Variants in SAMD4A observed in about 807,000 individuals in gnomAD.
SAMD4A encodes protein Smaug homolog 1.
In SAMD4A, 33 loss-of-function variants were observed where a neutral mutation model predicts 81.3. The ratio of observed to expected loss-of-function variants is 0.41; its 90% CI spans 0.31 to 0.54. SAMD4A has a LOEUF of 0.54. SAMD4A is among the 20% of genes least tolerant of loss of function. SAMD4A has a pLI of 0.37. For missense variants in SAMD4A, 854 were observed against 951.1 expected, an observed-to-expected ratio of 0.90 and a Z score of 1.34; for synonymous variants, 389 against 382.1, an observed-to-expected ratio of 1.02 and a Z score of -0.21.
chr14:54,778,214 A>G (rs149380356), intron 11 of SAMD4A, among the ~76,000 whole-genome samples: 1 of 152,216 alleles, frequency 6.6e-6, no homozygotes, highest in East Asian at 1.9e-4. Flanking sequence ...CTCTTTGTTC[A>G]TACTGAATCT....
At chr14:54,588,279 G>A (rs915789401) in intron 2 of SAMD4A, among the ~76,000 whole-genome samples, 3 of 151,630 alleles carry the variant, frequency 2.0e-5, no homozygotes, top group African/African-American at 4.8e-5. Flanking sequence ...TCTCTTCTTG[G>A]TTAATCTCGC....
rs78720266 is a variant in SAMD4A at position 54,758,007 on chromosome 14, G to A, written c.1177-2154G>A. 2.0e-3 allele frequency among the ~76,000 whole-genome samples: 312 copies of A among 152,320 alleles called. 1 individual carries two copies. The highest frequency in any genetic ancestry group is 6.7e-3 in the African/African-American group (278 of 41,566). On this transcript the variant is annotated intron_variant, in intron 6 of 12. Coordinates refer to ENST00000554335, the MANE Select transcript of SAMD4A (RefSeq NM_015589.6). Reference sequence around the variant, plus strand: ...ATGCTGGGAAAGGGCCGGGTCTACCGTGGGCAGCAGGGAAGGAGTGATCAG... The same window carrying A: ...ATGCTGGGAAAGGGCCGGGTCTACCATGGGCAGCAGGGAAGGAGTGATCAG...
chr14:54,789,127 G>A lies in SAMD4A; in HGVS notation c.*183G>A, dbSNP rs1354767931. ...CCTCGTAAACATATCAGTAGACCTG[G>A]GGTTGGTTATTTTGTCATTTGTTTC... On this transcript the variant is annotated 3_prime_UTR_variant, in exon 13 of 13. Coordinates refer to ENST00000554335, the MANE Select transcript of SAMD4A (RefSeq NM_015589.6). 1.4e-5 allele frequency: 9 copies of A among 664,484 alleles called. No individual in the cohort carries two copies. The East Asian group carries it at 2.2e-4, about 16-fold the overall frequency. The allele number at this position is 664,484 out of a possible 1,614,324, so 41.2% of individuals were successfully genotyped here. A position where few individuals can be genotyped will look rare whatever the true frequency, so the allele number is the denominator to read the frequency against.
At chr14:54,688,292 C>T (rs1329505316) in intron 2 of SAMD4A, 32 of 985,424 alleles carry the variant, frequency 3.2e-5, no homozygotes, top group East Asian at 1.1e-4. Context: ...CCGGAGCAAC[C>T]GTTTAGAGGT....
In SAMD4A at chr14:54,793,299, A is replaced by C. The variant is rs1010407913; in HGVS notation, c.*4355A>C. ...GAAAGTGAAGGGAAATGATTAATACAAGGTTTTGTAACACTGGTGTGTCTT... is the reference window on the plus strand; with the variant it reads ...GAAAGTGAAGGGAAATGATTAATACCAGGTTTTGTAACACTGGTGTGTCTT... On this transcript the variant is annotated 3_prime_UTR_variant, in exon 13 of 13. Coordinates refer to ENST00000554335, the MANE Select transcript of SAMD4A (RefSeq NM_015589.6). 1 of 152,150 alleles carries C rather than the reference A, an allele frequency of 6.6e-6. No homozygotes were observed. Among genetic ancestry groups the C allele is most frequent in the African/African-American group, 2.4e-5 (1 of 41,432 alleles). 9.4% of individuals were successfully genotyped at this position (152,150 alleles called of 1,614,324 possible).
intron 2 of SAMD4A, among the ~76,000 whole-genome samples, chr14:54,645,456 C>T (rs2035266521): frequency 6.6e-6 from 1 of 152,166 alleles, no homozygotes; most frequent in Non-Finnish European, 1.5e-5. Context: ...AAAGACTCTG[C>T]TCGTTTCTCT....
At chr14:54,723,310 C>T (rs1322307698) in intron 3 of SAMD4A, among the ~76,000 whole-genome samples, 1 of 152,092 alleles carries the variant, frequency 6.6e-6, no homozygotes, top group Admixed American at 6.6e-5. Context: ...TGTGGTTGGG[C>T]AGGTGATTTC....
upstream of SAMD4A, among the ~76,000 whole-genome samples, chr14:54,566,681 G>A (rs1456129641): frequency 1.3e-5 from 2 of 151,628 alleles, no homozygotes; most frequent in Non-Finnish European, 2.9e-5. Context: ...GGCCTGCGAC[G>A]CGCGGGCGAG....
chr14:54,712,274 C>T (rs957804929), intron 3 of SAMD4A, among the ~76,000 whole-genome samples: 10 of 151,338 alleles, frequency 6.6e-5, no homozygotes, highest in African/African-American at 4.8e-5. Context: ...CTTTCTTTCT[C>T]GGTGGAAAAT....
chr14:54,732,412 C>T (rs2037580487), intron 3 of SAMD4A, among the ~76,000 whole-genome samples: 1 of 152,112 alleles, frequency 6.6e-6, no homozygotes, highest in Non-Finnish European at 1.5e-5. Flanking sequence ...CCACAGCTCC[C>T]AGATTAGGCA....
intron 7 of SAMD4A, among the ~76,000 whole-genome samples, chr14:54,760,986 C>G (rs1333133728): frequency 8.2e-6 from 1 of 121,914 alleles, no homozygotes; most frequent in Non-Finnish European, 1.7e-5. Context: ...TCTCTCCTCA[C>G]CACTGAAAGT....
At chr14:54,680,920 C>G (rs2036109916) in intron 2 of SAMD4A, among the ~76,000 whole-genome samples, 1 of 152,194 alleles carries the variant, frequency 6.6e-6, no homozygotes, top group South Asian at 2.1e-4. Context: ...AAAGCAGGAT[C>G]TTATTTGCTT....
intron 2 of SAMD4A, among the ~76,000 whole-genome samples, chr14:54,622,724 A>C (rs1214731635): frequency 6.6e-6 from 1 of 152,184 alleles, no homozygotes; most frequent in African/African-American, 2.4e-5. Flanking sequence ...TTCAGCCCTC[A>C]TGGTTCTGAT....
At chr14:54,761,703 C>G (rs1241981359) in intron 7 of SAMD4A, among the ~76,000 whole-genome samples, 2 of 152,216 alleles carry the variant, frequency 1.3e-5, no homozygotes, top group South Asian at 2.1e-4. Flanking sequence ...CATGGGACAG[C>G]CTTGCCTATA....
At chr14:54,764,851 T>G (rs1440737602) in intron 8 of SAMD4A, among the ~76,000 whole-genome samples, 2 of 152,226 alleles carry the variant, frequency 1.3e-5, no homozygotes, top group African/African-American at 4.8e-5. Flanking sequence ...GCCCTGCTGC[T>G]TAGCCCTGGG....
intron 2 of SAMD4A, among the ~76,000 whole-genome samples, chr14:54,669,199 C>T (rs959597302): frequency 1.3e-5 from 2 of 152,142 alleles, no homozygotes; most frequent in East Asian, 3.9e-4. Context: ...ACATCCTACT[C>T]ATTAGAGGAG....
chr14:54,764,367 G>T, intron 7 of SAMD4A, 88 bp from the exon 8 acceptor site: 1 of 864,360 alleles, frequency 1.2e-6, no homozygotes. Context: ...ACCTCTCAGA[G>T]TGTTGGACCT....
intron 2 of SAMD4A, among the ~76,000 whole-genome samples, chr14:54,621,449 A>G (rs954245772): frequency 3.3e-4 from 50 of 152,078 alleles, no homozygotes; most frequent in Non-Finnish European, 1.6e-4. Flanking sequence ...CGCTAGGCTG[A>G]AGTGATTCTC....
intron 2 of SAMD4A, among the ~76,000 whole-genome samples, chr14:54,577,312 C>G (rs1042673020): frequency 2.0e-5 from 3 of 152,196 alleles, no homozygotes; most frequent in Non-Finnish European, 4.4e-5. Context: ...CATGGTACAG[C>G]CAAGGCAGGG....
Sources: gnomAD v4.1 joint callset for allele counts (sites outside exome capture counted in the v4.1 genomes callset) on GRCh38, gnomAD v4.1.1 for gene constraint, MANE v1.5 for transcripts, NCBI Gene and HGNC (gene_info 2026-07-23, HGNC 2026-07-21) for gene names.